KIF1A: variants seen among roughly 807,000 people sequenced by gnomAD.
KIF1A encodes the protein kinesin-like protein KIF1A.
Under a neutral mutation model 227.3 loss-of-function variants are expected in KIF1A, and 46 were observed. That is an observed-to-expected ratio of 0.20 (90% CI 0.16 to 0.26). KIF1A has a LOEUF of 0.26. Ranked by LOEUF, KIF1A falls within the 10% of genes least tolerant of loss-of-function variation. The probability of loss-of-function intolerance (pLI) is 1.00; values close to 1 mark genes in which losing one functional copy is unlikely to be tolerated. For missense variants in KIF1A, 1,683 were observed against 2,485.9 expected, an observed-to-expected ratio of 0.68 and a Z score of 6.87; for synonymous variants, 1,022 against 1,012.8, an observed-to-expected ratio of 1.01 and a Z score of -0.17.
Position 240,783,031 on chromosome 2 carries a change from C to A in KIF1A, c.864+13G>T, listed in dbSNP as rs758519553. 6.2e-7 allele frequency: 1 copy of A among 1,609,670 alleles called. No individual in the cohort carries two copies. The highest frequency in any genetic ancestry group is 8.5e-7 in the Non-Finnish European group (1 of 1,176,286). ...TGGGGTTCTGGCTATGGAAGCCGGGCCGGGCCACTCACCATTTCAGCCAGG... is the reference window on the plus strand; with the variant it reads ...TGGGGTTCTGGCTATGGAAGCCGGGACGGGCCACTCACCATTTCAGCCAGG... On this transcript the variant is annotated intron_variant, in intron 9 of 48. Transcript: ENST00000498729.
intron 1 of KIF1A, among the ~76,000 whole-genome samples, chr2:240,805,083 G>C (rs865792725): frequency 3.0e-5 from 2 of 67,752 alleles, no homozygotes; most frequent in African/African-American, 7.6e-5. Flanking sequence ...AGGGAGAGGG[G>C]AGGGAGAGGG....
rs971639310 is a variant in KIF1A at position 240,778,014 on chromosome 2, G to A, written c.883-2088C>T. 2.6e-5 allele frequency among the ~76,000 whole-genome samples: 4 copies of A among 152,112 alleles called. No individual in the cohort carries two copies. Among genetic ancestry groups the A allele is most frequent in the Non-Finnish European group, 4.4e-5 (3 of 68,014 alleles). On this transcript the variant is annotated intron_variant, in intron 10 of 48. Transcript: ENST00000498729. The surrounding 1 kb of genome is among the most constrained non-coding windows in gnomAD (Gnocchi z 7.2). Reference sequence around the variant, plus strand: ...AAGGAGCTCTCGCCGTTCCCCGCACGGTTCCCACGCGGCTGCTCGCAGCTC... The same window carrying A: ...AAGGAGCTCTCGCCGTTCCCCGCACAGTTCCCACGCGGCTGCTCGCAGCTC...
At chr2:240,800,193 G>A (rs1328267907) in intron 1 of KIF1A, among the ~76,000 whole-genome samples, 2 of 151,452 alleles carry the variant, frequency 1.3e-5, no homozygotes, top group Non-Finnish European at 2.9e-5. Context: ...GATCAGTATG[G>A]GACAACTGGC....
At chr2:240,807,076 ATATGTGTGTGTG>A (rs1185617155) in intron 1 of KIF1A, among the ~76,000 whole-genome samples, 8 of 73,228 alleles carry the variant, frequency 1.1e-4, no homozygotes, top group Admixed American at 2.4e-4. Context: ...ATCCTCATAT[ATATGTGTGTGTG>A]TGTGTGTGTG....
chr2:240,757,623 A>G lies in KIF1A; in HGVS notation c.2583-29T>C, dbSNP rs1260346756. ...AGGTTAGTGCGACAAGACAGAGAGA[A>G]GTTAACACCAGCGACTCGCAGGGAC... is the stretch of plus-strand genomic sequence containing the variant. On this transcript the variant is annotated intron_variant, in intron 26 of 48. Transcript: ENST00000498729. The surrounding 1 kb of genome is among the most constrained non-coding windows in gnomAD (Gnocchi z 6.2). 1 of 1,450,708 alleles carries G rather than the reference A, an allele frequency of 6.9e-7. No homozygotes were observed. Among genetic ancestry groups the G allele is most frequent in the Non-Finnish European group, 9.2e-7 (1 of 1,084,792 alleles). The allele number at this position is 1,450,708 out of a possible 1,614,324, so 89.9% of individuals were successfully genotyped here. A position where few individuals can be genotyped will look rare whatever the true frequency, so the allele number is the denominator to read the frequency against.
intron 23 of KIF1A, 53 bp downstream of exon 23, chr2:240,762,666 C>T: frequency 6.7e-7 from 1 of 1,497,646 alleles, no homozygotes; most frequent in Non-Finnish European, 9.0e-7. Flanking sequence ...GGCTGCCCAC[C>T]TCCATGCTGA....
At chr2:240,764,455 G>A (rs1381462235) in intron 20 of KIF1A, among the ~76,000 whole-genome samples, 1 of 152,088 alleles carries the variant, frequency 6.6e-6, no homozygotes, top group Non-Finnish European at 1.5e-5. Flanking sequence ...ACGAATTCAG[G>A]ACATTCAGTG....
chr2:240,791,612 C>T (rs6731556), intron 2 of KIF1A, among the ~76,000 whole-genome samples: 9,635 of 145,380 alleles, frequency 0.066, 1,212 homozygotes, highest in African/African-American at 0.25. Context: ...CCCTTGCTCC[C>T]TGTCCCACCC....
intron 14 of KIF1A, chr2:240,771,321 A>G: frequency 1.6e-6 from 1 of 644,472 alleles, no homozygotes; most frequent in Non-Finnish European, 2.7e-6. Flanking sequence ...TGCCAGGCCC[A>G]GGACAAGCGC....
rs551172104 is a variant in KIF1A, at chr2:240,775,340, T to C, written c.958+511A>G. On this transcript the variant is annotated intron_variant, in intron 11 of 48. Coordinates refer to ENST00000498729, the MANE Select transcript of KIF1A (RefSeq NM_001244008.2). The surrounding 1 kb of genome is among the most constrained non-coding windows in gnomAD (Gnocchi z 5.5). ...TCAGCCTCTCCAGCTGTAAATGCAGTTGGGGAGGACTCTGAGGTTATTCCG... is the reference window on the plus strand; with the variant it reads ...TCAGCCTCTCCAGCTGTAAATGCAGCTGGGGAGGACTCTGAGGTTATTCCG... Among the ~76,000 whole-genome samples, 1 of 152,302 alleles carries C rather than the reference T, an allele frequency of 6.6e-6. No homozygotes were observed. Among genetic ancestry groups the C allele is most frequent in the African/African-American group, 2.4e-5 (1 of 41,568 alleles).
rs1559529936 is a variant in KIF1A at position 240,786,753 on chromosome 2, TGAGAGGGTAGGGGCCACC to T, written c.430-258_430-241del. 4.5e-4 allele frequency among the ~76,000 whole-genome samples: 42 copies of T among 94,290 alleles called. 1 individual carries two copies. Among genetic ancestry groups the T allele is most frequent in the South Asian group, 8.1e-4 (3 of 3,724 alleles). 61.9% of individuals were successfully genotyped at this position (94,290 alleles called of 152,430 possible). On this transcript the variant is annotated intron_variant, in intron 5 of 48. Coordinates refer to ENST00000498729, the MANE Select transcript of KIF1A (RefSeq NM_001244008.2). ...GGGGGCTGCCTGCTGGGCCCCTGAG[TGAGAGGGTAGGGGCCACC>T]ATCAGGACCCCTGAGTGAGGGGGTG...
At chr2:240,809,825 A>G (rs1163018210) in intron 1 of KIF1A, among the ~76,000 whole-genome samples, 1 of 151,996 alleles carries the variant, frequency 6.6e-6, no homozygotes, top group African/African-American at 2.4e-5. Flanking sequence ...AACATGGTAC[A>G]TGTATACCTT....
At chr2:240,741,568 C>G (rs2047974600) in intron 34 of KIF1A, among the ~76,000 whole-genome samples, 191 bp from the exon 35 acceptor site, 1 of 152,228 alleles carries the variant, frequency 6.6e-6, no homozygotes, top group Non-Finnish European at 1.5e-5. Flanking sequence ...ACTCTGTGGC[C>G]TTAGCACGTC....
At chr2:240,805,069 GGGCA>G (rs1559543858) in intron 1 of KIF1A, among the ~76,000 whole-genome samples, 5 of 48,564 alleles carry the variant, frequency 1.0e-4, no homozygotes, top group African/African-American at 3.8e-4. Flanking sequence ...GGGAGGGAGA[GGGCA>G]GGGAGAGGGG....
chr2:240,734,598 G>A, intron 38 of KIF1A: 1 of 551,382 alleles, frequency 1.8e-6, no homozygotes, highest in Non-Finnish European at 3.3e-6. Flanking sequence ...GCACGTGTGT[G>A]AGGAGTCCAG....
intron 45 of KIF1A, chr2:240,720,332 G>GCATGGGCCCCCCA (rs982569728): frequency 6.1e-6 from 1 of 165,102 alleles, no homozygotes; most frequent in Non-Finnish European, 1.3e-5. Context: ...ATGGCCTCCC[G>GCATGGGCCCCCCA]CATGGGCCCC....
At chr2:240,804,158 C>T (rs528222032) in intron 1 of KIF1A, among the ~76,000 whole-genome samples, 2 of 152,064 alleles carry the variant, frequency 1.3e-5, no homozygotes, top group African/African-American at 4.8e-5. Flanking sequence ...CCCAGCTACT[C>T]GGGAGGCTGA....
chr2:240,751,204 C>A (rs58467474), intron 27 of KIF1A, among the ~76,000 whole-genome samples: 7,338 of 152,240 alleles, frequency 0.048, 372 homozygotes, highest in African/African-American at 0.12. Flanking sequence ...ACCACGAGTA[C>A]CTACGGTCGC....
chr2:240,792,657 C>T lies in KIF1A; in HGVS notation c.107-3345G>A, dbSNP rs1346103260. 6.6e-6 allele frequency among the ~76,000 whole-genome samples: 1 copy of T among 152,168 alleles called. No homozygotes were observed. The highest frequency in any genetic ancestry group is 1.5e-5 in the Non-Finnish European group (1 of 68,032). ...GTGTGAGGGCCGAGCTGAGCTGGCT[C>T]TTCCCAACGGAGCCTGCTGTGGGCC... On this transcript the variant is annotated intron_variant, in intron 2 of 48. Coordinates refer to ENST00000498729, the MANE Select transcript of KIF1A (RefSeq NM_001244008.2). The surrounding 1 kb of genome is among the most constrained non-coding windows in gnomAD (Gnocchi z 4.5).
Sources: gnomAD v4.1 joint callset for allele counts (sites outside exome capture counted in the v4.1 genomes callset) on GRCh38, gnomAD v4.1.1 for gene constraint, Gnocchi (gnomAD v3.1) non-coding constraint, MANE v1.5 for transcripts, NCBI Gene and HGNC (gene_info 2026-07-23, HGNC 2026-07-21) for gene names.